Variants in LOXHD1 observed in about 807,000 individuals in gnomAD.
LOXHD1 encodes lipoxygenase homology PLAT domains 1.
LOXHD1 carries 205 observed loss-of-function variants against 248.2 expected under a neutral mutation model. The observed-to-expected ratio is 0.83, with a 90% CI of 0.74 to 0.93. The LOEUF is 0.93. Ranked by LOEUF, LOXHD1 falls within the 40% of genes least tolerant of loss-of-function variation. LOXHD1 has a pLI of 0.00. For synonymous variants in LOXHD1, 1,113 were observed against 1,162.8 expected (o/e 0.96, Z 0.87); for missense variants, 2,930 against 2,971.6 (o/e 0.99, Z 0.33).
chr18:46,515,671 A>G (rs2035211320), intron 34 of LOXHD1, among the ~76,000 whole-genome samples: 1 of 152,204 alleles, frequency 6.6e-6, no homozygotes, highest in Non-Finnish European at 1.5e-5. Context: ...AAAATCCAGG[A>G]ATATGGGGTT....
At chr18:46,608,352 C>T (rs2038453697) in intron 6 of LOXHD1, among the ~76,000 whole-genome samples, 1 of 152,176 alleles carries the variant, frequency 6.6e-6, no homozygotes, top group Non-Finnish European at 1.5e-5. Context: ...CAAAGAAACA[C>T]ATCTTGGCAT....
At chr18:46,529,850 C>G (rs970663499) in intron 28 of LOXHD1, among the ~76,000 whole-genome samples, 4 of 152,164 alleles carry the variant, frequency 2.6e-5, no homozygotes, top group Non-Finnish European at 4.4e-5. Context: ...CACTGCCACC[C>G]TCCCCTGCCC....
rs9958056 is a variant in LOXHD1 at position 46,547,262 on chromosome 18, T to C, written c.3351-204A>G. ...GGGGTAGAGAACAAACTTGGGGACA[T>C]TGGCTCTAGACACTCCATTGAAAAT... On this transcript the variant is annotated intron_variant, in intron 21 of 40. Transcript: ENST00000642948. Among the ~76,000 whole-genome samples the C allele has an allele frequency of 0.093, 14,116 of 152,128 alleles. 759 individuals carry two copies. Among genetic ancestry groups the C allele is most frequent in the African/African-American group, 0.15 (6,191 of 41,492 alleles).
intron 37 of LOXHD1, among the ~76,000 whole-genome samples, chr18:46,504,239 G>A (rs2034421018): frequency 6.6e-6 from 1 of 152,016 alleles, no homozygotes; most frequent in Admixed American, 6.6e-5. Flanking sequence ...CTCAGTAGCT[G>A]GGACTACAGG....
In LOXHD1 at chr18:46,483,573, G is replaced by A. The variant is rs2032765717; in HGVS notation, c.6341+14C>T. On this transcript the variant is annotated intron_variant, in intron 40 of 40. Coordinates refer to ENST00000642948, the MANE Select transcript of LOXHD1 (RefSeq NM_001384474.1). ...AGGGAGTGGCACTTCCTTGGGGAGA[G>A]GCTCAGTACATACACATTGCCGTAC... is the stretch of plus-strand genomic sequence containing the variant. The A allele has an allele frequency of 1.2e-5, 19 of 1,551,524 alleles. No individual in the cohort carries two copies. In the South Asian group the frequency reaches 1.4e-4, roughly 12 times the overall value.
At chr18:46,523,330 T>C (rs999501781) in intron 31 of LOXHD1, among the ~76,000 whole-genome samples, 2 of 152,114 alleles carry the variant, frequency 1.3e-5, no homozygotes, top group African/African-American at 2.4e-5. Context: ...GCTTGGAATA[T>C]GGATGTGATG....
chr18:46,585,628 T>C (rs919419269), intron 12 of LOXHD1, among the ~76,000 whole-genome samples: 7 of 152,140 alleles, frequency 4.6e-5, no homozygotes, highest in Non-Finnish European at 2.9e-5. Context: ...AACTGGTCTA[T>C]AGATTCAATG....
At chr18:46,551,160 T>C (rs1318455269) in intron 21 of LOXHD1, among the ~76,000 whole-genome samples, 1 of 151,412 alleles carries the variant, frequency 6.6e-6, no homozygotes, top group Admixed American at 6.6e-5. Flanking sequence ...TGGAGTGCAG[T>C]GGCGCAATCT....
At chr18:46,656,273 T>G (rs2039180469) in intron 1 of LOXHD1, among the ~76,000 whole-genome samples, 1 of 152,164 alleles carries the variant, frequency 6.6e-6, no homozygotes, top group Admixed American at 6.5e-5. Flanking sequence ...CAACTTAAAC[T>G]CTGCTGGCCA....
In LOXHD1 at chr18:46,489,113, C is replaced by CAGCCAGGAA; in HGVS notation, c.5907_5908insTTCCTGGCT (p.Tyr1969_Val1970insPheLeuAla). 1 of 1,551,728 alleles carries CAGCCAGGAA rather than the reference C, an allele frequency of 6.4e-7. No homozygotes were observed. ...TCGCGGGAGTTGTCCTTCACATCGA[C>CAGCCAGGAA]ATAGCTCAGATGCCAGCCAGGAAAT... On this transcript the variant is annotated inframe_insertion, in exon 38 of 41. Transcript: ENST00000642948.
intron 2 of LOXHD1, 49 bp downstream of exon 2, chr18:46,649,106 C>T (rs1322306599): frequency 1.2e-5 from 18 of 1,479,358 alleles, no homozygotes; most frequent in Middle Eastern, 1.7e-4. Flanking sequence ...AGAACCTAAT[C>T]AACAGGACTA....
chr18:46,519,259 G>A lies in LOXHD1; in HGVS notation c.5272-1003C>T, dbSNP rs78135611. ...GCCATCTTGACTGTCTCCTTTGAAC[G>A]TACCTGGTCCAGTGTGTCCCTTCTC... On this transcript the variant is annotated intron_variant, in intron 33 of 40. Transcript: ENST00000642948. 7.2e-3 allele frequency among the ~76,000 whole-genome samples: 1,092 copies of A among 152,284 alleles called. 5 individuals are homozygous for A. Among genetic ancestry groups the A allele is most frequent in the African/African-American group, 0.025 (1,038 of 41,550 alleles).
chr18:46,629,147 A>C lies in LOXHD1; in HGVS notation c.511+10469T>G, dbSNP rs190764250. On this transcript the variant is annotated intron_variant, in intron 4 of 40. Transcript: ENST00000642948. ...TGGACACTCTAGTAATCCTGAAAAGACTCCAAGAGACCCCCTAGTCCAGGC... is the reference window on the plus strand; with the variant it reads ...TGGACACTCTAGTAATCCTGAAAAGCCTCCAAGAGACCCCCTAGTCCAGGC... Among the ~76,000 whole-genome samples the C allele has an allele frequency of 8.5e-5, 13 of 152,118 alleles. No individual in the cohort carries two copies. In the South Asian group the frequency reaches 2.7e-3, roughly 32 times the overall value.
intron 8 of LOXHD1, among the ~76,000 whole-genome samples, chr18:46,595,154 G>C (rs546313798): frequency 6.6e-6 from 1 of 152,132 alleles, no homozygotes; most frequent in Non-Finnish European, 1.5e-5. Flanking sequence ...TTGTCTTACT[G>C]GGTATTTGTT....
At chr18:46,533,410 C>A in intron 27 of LOXHD1, 86 bp from the exon 28 acceptor site, 2 of 1,463,534 alleles carry the variant, frequency 1.4e-6, no homozygotes, top group East Asian at 2.5e-5. Context: ...CTCATGGAGA[C>A]CAAGGACAAG....
At position 46,545,389 on chromosome 18, in the gene LOXHD1, T is replaced by C; in HGVS notation, c.3547A>G (p.Thr1183Ala). ...GTGCCCGCATTCTTCTTAACCCCAG[T>C]CTTTATGGTCACTGAGAATGTGGTA... ...KSTTFSVTIK[T>A]GVKKNAGTDA... Residue 1183 changes from threonine (T) to alanine (A), a missense_variant, in exon 23 of 41, where the codon ACT becomes GCT. Physicochemically the swap from Thr to Ala is moderately conservative, Grantham distance 58. Coordinates refer to ENST00000642948, the MANE Select transcript of LOXHD1 (RefSeq NM_001384474.1). 6.4e-7 allele frequency: 1 copy of C among 1,552,012 alleles called. No individual in the cohort carries two copies. The highest frequency in any genetic ancestry group is 2.0e-5 in the Admixed American group (1 of 51,002).
chr18:46,565,438 T>C (rs995081456), intron 17 of LOXHD1, among the ~76,000 whole-genome samples: 16 of 152,196 alleles, frequency 1.1e-4, no homozygotes, highest in African/African-American at 3.6e-4. Context: ...CCTATTATTG[T>C]CTGTCTCCCC....
chr18:46,625,400 A>C (rs1324500195), intron 4 of LOXHD1, among the ~76,000 whole-genome samples: 1 of 137,924 alleles, frequency 7.3e-6, no homozygotes, highest in African/African-American at 2.6e-5. Context: ...CAGCAGTGGC[A>C]TCCAGTCTTT....
At chr18:46,596,386 C>T (rs1000775282) in intron 8 of LOXHD1, among the ~76,000 whole-genome samples, 3 of 152,064 alleles carry the variant, frequency 2.0e-5, no homozygotes, top group African/African-American at 7.2e-5. Context: ...AGAGAGTAGG[C>T]AAATGTGAAT....
Sources: allele counts gnomAD v4.1 joint callset (sites outside exome capture counted in the v4.1 genomes callset), GRCh38; gene constraint gnomAD v4.1.1; transcripts MANE v1.5; gene names NCBI Gene and HGNC (gene_info 2026-07-23, HGNC 2026-07-21).